Variants in FUT8 observed in about 807,000 individuals in gnomAD.
The protein encoded by FUT8 is fucosyltransferase 8.
A neutral mutation model predicts 71.3 loss-of-function variants in FUT8; 29 were observed. That is an observed-to-expected ratio of 0.41 (90% CI 0.30 to 0.55). FUT8 has a LOEUF of 0.55. FUT8 is among the 20% of genes least tolerant of loss of function. The pLI, the probability that FUT8 is intolerant of heterozygous loss-of-function variation, is 0.34. For missense variants in FUT8, 544 were observed against 702.1 expected, an observed-to-expected ratio of 0.77 and a Z score of 2.55; for synonymous variants, 254 against 239.3, an observed-to-expected ratio of 1.06 and a Z score of -0.57.
intron 1 of FUT8, among the ~76,000 whole-genome samples, chr14:65,428,763 G>T (rs916042470): frequency 6.6e-6 from 1 of 152,188 alleles, no homozygotes; most frequent in Non-Finnish European, 1.5e-5. Context: ...ATTCTGTGAG[G>T]TAGAGCTTCA....
intron 7 of FUT8, among the ~76,000 whole-genome samples, chr14:65,716,824 C>A (rs1895088327): frequency 2.6e-5 from 4 of 151,840 alleles, no homozygotes. Context: ...GGCGGCCGGG[C>A]AGAGGCGCTC....
At chr14:65,730,106 A>G (rs1895899571) in intron 9 of FUT8, among the ~76,000 whole-genome samples, 1 of 152,212 alleles carries the variant, frequency 6.6e-6, no homozygotes, top group Admixed American at 6.5e-5. Context: ...CAAAAGCATG[A>G]ATTAATCTAT....
At chr14:65,549,911 A>C (rs1885193129) in intron 2 of FUT8, among the ~76,000 whole-genome samples, 1 of 152,164 alleles carries the variant, frequency 6.6e-6, no homozygotes, top group Middle Eastern at 3.2e-3. Context: ...AACACAAAAA[A>C]TCAGTTGGGC....
At chr14:65,625,464 T>G (rs1285852787) in intron 5 of FUT8, among the ~76,000 whole-genome samples, 2 of 152,250 alleles carry the variant, frequency 1.3e-5, no homozygotes, top group Non-Finnish European at 2.9e-5. Context: ...GTCTAAAGAC[T>G]TCAGGTTAAT....
chr14:65,402,303 T>A, the FUT8 span, among the ~76,000 whole-genome samples: 82 of 149,162 alleles, frequency 5.5e-4, no homozygotes, highest in Non-Finnish European at 1.1e-3. Flanking sequence ...TGGGCTCAAG[T>A]TATCCTCCCA....
chr14:65,417,926 T>C (rs2065241799), intron 1 of FUT8, among the ~76,000 whole-genome samples: 2 of 152,232 alleles, frequency 1.3e-5, no homozygotes. Context: ...TTCCATAAAC[T>C]GAATAAATAT....
In FUT8 at chr14:65,627,768, T is replaced by C. The variant is rs191859683; in HGVS notation, c.483-1724T>C. 1.2e-3 allele frequency among the ~76,000 whole-genome samples: 188 copies of C among 152,330 alleles called. No homozygotes were observed. Among genetic ancestry groups the C allele is most frequent in the Admixed American group, 2.0e-3 (30 of 15,306 alleles). ...AACTCACACAACTCTTGAAAACTTATCAGGAAGCTGCTGATGACCAGCTTC... is the reference window on the plus strand; with the variant it reads ...AACTCACACAACTCTTGAAAACTTACCAGGAAGCTGCTGATGACCAGCTTC... On this transcript the variant is annotated intron_variant, in intron 5 of 10. Transcript: ENST00000673929. This position sits in a 1 kb window ranked among gnomAD's most constrained non-coding sequence, Gnocchi z 4.0.
chr14:65,727,520 C>G (rs1210529020), intron 9 of FUT8, among the ~76,000 whole-genome samples: 1 of 152,148 alleles, frequency 6.6e-6, no homozygotes, highest in Admixed American at 6.5e-5. Flanking sequence ...ATGACGGAAG[C>G]AGCTGGGATG....
At chr14:65,441,302 A>T (rs758367667) in intron 1 of FUT8, among the ~76,000 whole-genome samples, 2 of 152,240 alleles carry the variant, frequency 1.3e-5, no homozygotes, top group Non-Finnish European at 2.9e-5. Context: ...TGTAATTCAT[A>T]GTATTGAACC....
chr14:65,722,696 A>G lies in FUT8; in HGVS notation c.1082+675A>G, dbSNP rs143682927. Among the ~76,000 whole-genome samples the G allele has an allele frequency of 4.6e-5, 7 of 152,312 alleles. No individual in the cohort carries two copies. In the South Asian group the frequency reaches 6.2e-4, roughly 14 times the overall value. On this transcript the variant is annotated intron_variant, in intron 8 of 10. Transcript: ENST00000673929. Reference sequence around the variant, plus strand: ...GAACAATTCCAATTTCCCCAGAAAAAGAGTGATTATGAAGGATGTGGGAAG... The same window carrying G: ...GAACAATTCCAATTTCCCCAGAAAAGGAGTGATTATGAAGGATGTGGGAAG...
intron 3 of FUT8, among the ~76,000 whole-genome samples, chr14:65,591,884 G>A (rs1457681504): frequency 6.9e-6 from 1 of 145,858 alleles, no homozygotes; most frequent in African/African-American, 2.6e-5. Context: ...TCTAGTAACA[G>A]CATACTTTAC....
At chr14:65,726,946 G>T (rs186212561) in intron 9 of FUT8, among the ~76,000 whole-genome samples, 50 of 152,320 alleles carry the variant, frequency 3.3e-4, no homozygotes, top group African/African-American at 1.2e-3. Flanking sequence ...CAGGCCCCAT[G>T]CAAGTCCGAA....
At chr14:65,739,570 G>A (rs980335861) in intron 10 of FUT8, among the ~76,000 whole-genome samples, 1 of 151,960 alleles carries the variant, frequency 6.6e-6, no homozygotes, top group East Asian at 1.9e-4. Context: ...ACGGTTCATT[G>A]TCACAGTAGA....
At chr14:65,368,595 C>T in the FUT8 span, among the ~76,000 whole-genome samples, 1 of 130,294 alleles carries the variant, frequency 7.7e-6, no homozygotes, top group East Asian at 3.4e-4. Context: ...GATCTCCGCT[C>T]ACTGCAAGCT....
Position 65,673,791 on chromosome 14 carries a change from G to GT in FUT8, c.835+4318dup, listed in dbSNP as rs201299217. ...AGGTTTTAATTCGAGAGTCAAAGCT[G>GT]TTTTTTTGATTTTGGTTTAGAGAGT... On this transcript the variant is annotated intron_variant, in intron 7 of 10. Transcript: ENST00000673929. Among the ~76,000 whole-genome samples, 1,191 of 152,234 alleles carry GT rather than the reference G, an allele frequency of 7.8e-3. 9 individuals are homozygous for GT. The highest frequency in any genetic ancestry group is 0.024 in the African/African-American group (980 of 41,556).
chr14:65,526,544 A>C (rs531117542), intron 2 of FUT8, among the ~76,000 whole-genome samples: 2 of 149,840 alleles, frequency 1.3e-5, no homozygotes, highest in East Asian at 3.9e-4. Flanking sequence ...TTTTAATTGG[A>C]GCATTTAGCC....
At chr14:65,386,412 G>T in the FUT8 span, among the ~76,000 whole-genome samples, 1 of 150,440 alleles carries the variant, frequency 6.6e-6, no homozygotes. Context: ...GCTGAGGTGG[G>T]AGCATCTCTG....
intron 7 of FUT8, among the ~76,000 whole-genome samples, chr14:65,721,218 T>C (rs1895397965): frequency 6.6e-6 from 1 of 150,888 alleles, no homozygotes; most frequent in African/African-American, 2.5e-5. Context: ...TATTCAGCCA[T>C]CTTGCTTCAT....
intron 7 of FUT8, among the ~76,000 whole-genome samples, chr14:65,702,147 A>G (rs537850953): frequency 2.0e-5 from 3 of 152,216 alleles, no homozygotes; most frequent in East Asian, 3.9e-4. Flanking sequence ...GGAGTTCAAG[A>G]CCAGCCTGAC....
Sources: allele counts gnomAD v4.1 joint callset (sites outside exome capture counted in the v4.1 genomes callset), GRCh38; gene constraint gnomAD v4.1.1; non-coding constraint Gnocchi (gnomAD v3.1); transcripts MANE v1.5; gene names NCBI Gene and HGNC (gene_info 2026-07-23, HGNC 2026-07-21).